Variants in PAX3 observed in about 807,000 individuals in gnomAD.
PAX3 encodes the protein paired box 3, also known as paired box protein Pax-3.
In PAX3, 14 loss-of-function variants were observed where a neutral mutation model predicts 51.6. That is an observed-to-expected ratio of 0.27 (90% CI 0.18 to 0.42). PAX3 has a LOEUF of 0.42. PAX3 is among the 10% of genes least tolerant of loss of function. The pLI is 1.00. For synonymous variants in PAX3, 280 were observed against 253.4 expected (o/e 1.11, Z -1.00); for missense variants, 540 against 642.8 (o/e 0.84, Z 1.73).
At chr2:222,295,068 C>G (rs1385309151) in intron 3 of PAX3, among the ~76,000 whole-genome samples, 1 of 151,930 alleles carries the variant, frequency 6.6e-6, no homozygotes, top group African/African-American at 2.4e-5. Flanking sequence ...CCCAGGCTGC[C>G]GTGGCGGGGG....
intron 1 of PAX3, among the ~76,000 whole-genome samples, chr2:222,297,888 G>T (rs778086938): frequency 1.3e-5 from 2 of 152,162 alleles, no homozygotes; most frequent in Non-Finnish European, 2.9e-5. Context: ...CTCTGCTGGG[G>T]CGCCCTAACC....
chr2:222,295,610 T>G lies in PAX3; in HGVS notation c.369A>C (p.Arg123Ser). The G allele has an allele frequency of 1.2e-6, 2 of 1,614,202 alleles. No homozygotes were observed. Among genetic ancestry groups the G allele is most frequent in the South Asian group, 2.2e-5 (2 of 91,088 alleles). ...DVEKKIEEYK[R>S]ENPGMFSWEI... The stretch of plus-strand genomic sequence containing the variant: ...CCCAGCTGAACATGCCCGGGTTCTC[T>G]CTTTTGTATTCCTCAATTTTCTTCT... The change falls in exon 3 of 9, where the codon AGA (arginine) becomes AGC (serine). Residue 123 changes from arginine (R) to serine (S), a missense_variant. By Grantham distance (110) the Arg-to-Ser change is moderately radical (BLOSUM62 -1). Transcript: ENST00000392070.
At chr2:222,262,696 TAA>T (rs1350362806) in intron 4 of PAX3, 1 of 151,910 alleles carries the variant, frequency 6.6e-6, no homozygotes, top group Non-Finnish European at 1.5e-5. Flanking sequence ...AAAAGAAGAA[TAA>T]AGTTAGAGGA....
intron 4 of PAX3, chr2:222,293,925 T>C (rs1014781560): frequency 1.4e-6 from 2 of 1,402,328 alleles, no homozygotes; most frequent in African/African-American, 3.2e-5. Flanking sequence ...TCCCAGGGGC[T>C]GAAAGTGGTT....
chr2:222,227,800 T>C (rs1481730190), intron 5 of PAX3, among the ~76,000 whole-genome samples: 1 of 152,066 alleles, frequency 6.6e-6, no homozygotes, highest in Non-Finnish European at 1.5e-5. Flanking sequence ...AGTTCTTACA[T>C]TGTGTACTCA....
chr2:222,214,527 T>C (rs547673305), intron 7 of PAX3: 3 of 152,116 alleles, frequency 2.0e-5, no homozygotes, highest in Admixed American at 2.0e-4. Context: ...CACAGTCTTA[T>C]TAGTGTAAAG....
At chr2:222,279,997 T>A (rs745899507) in intron 4 of PAX3, among the ~76,000 whole-genome samples, 7 of 152,054 alleles carry the variant, frequency 4.6e-5, no homozygotes, top group Admixed American at 2.6e-4. Context: ...GATCACCTGA[T>A]GTCAGGAGTT....
chr2:222,203,966 A>G (rs923203004), intron 7 of PAX3, among the ~76,000 whole-genome samples: 6 of 152,132 alleles, frequency 3.9e-5, no homozygotes, highest in African/African-American at 1.2e-4. Flanking sequence ...ATGCACACAC[A>G]TGGGAAGGTG....
chr2:222,297,243 G>A, intron 1 of PAX3, 30 bp from the exon 2 acceptor site: 1 of 1,485,168 alleles, frequency 6.7e-7, no homozygotes, highest in Non-Finnish European at 9.2e-7. Context: ...AGAAGCAAGG[G>A]AAAAGTCACT....
chr2:222,246,585 GTGGA>G lies in PAX3; in HGVS notation c.587-14306_587-14303del, dbSNP rs370233011. Among the ~76,000 whole-genome samples, 1,508 of 152,046 alleles carry G rather than the reference GTGGA, an allele frequency of 9.9e-3. 11 individuals carry two copies. Among genetic ancestry groups the G allele is most frequent in the Middle Eastern group, 0.014 (4 of 294 alleles). ...AGAATTATATTATACAGATGGATGG[GTGGA>G]TGGATGGATGGATGGATGGATCAAT... is the stretch of plus-strand genomic sequence containing the variant. On this transcript the variant is annotated intron_variant, in intron 4 of 8. Transcript: ENST00000392070.
chr2:222,222,698 T>C (rs1205127973), intron 5 of PAX3, among the ~76,000 whole-genome samples: 6 of 152,056 alleles, frequency 3.9e-5, no homozygotes, highest in African/African-American at 1.4e-4. Context: ...TGAAACTTAA[T>C]ATGGAGGAAA....
chr2:222,298,877 G>T lies in PAX3; in HGVS notation c.-262C>A. On this transcript the variant is annotated 5_prime_UTR_variant, in exon 1 of 9. Transcript: ENST00000392070. ...GGCGGAAAAGTTTGGTACGAGTCTG[G>T]GCAAATGTTCCAGCGACTGGGGTCC... The T allele has an allele frequency of 1.8e-6, 1 of 569,012 alleles. No individual in the cohort carries two copies. 35.2% of individuals were successfully genotyped at this position (569,012 alleles called of 1,614,324 possible). A position where few individuals can be genotyped will look rare whatever the true frequency, so the allele number is the denominator to read the frequency against.
intron 4 of PAX3, among the ~76,000 whole-genome samples, chr2:222,283,455 C>G (rs530961665): frequency 2.0e-5 from 3 of 152,294 alleles, no homozygotes; most frequent in South Asian, 4.2e-4. Flanking sequence ...CCATTTATAT[C>G]TTCTGAATTT....
chr2:222,229,649 A>G (rs1692512760), intron 5 of PAX3, among the ~76,000 whole-genome samples: 1 of 152,246 alleles, frequency 6.6e-6, no homozygotes, highest in East Asian at 1.9e-4. Flanking sequence ...CAAGACCTCC[A>G]TAGGATATCC....
chr2:222,211,387 T>C (rs1378679728), intron 7 of PAX3, among the ~76,000 whole-genome samples: 1 of 152,160 alleles, frequency 6.6e-6, no homozygotes, highest in East Asian at 1.9e-4. Context: ...GGTGCTGTCT[T>C]TAGATTAATG....
chr2:222,225,715 A>T (rs1451029983), intron 5 of PAX3, among the ~76,000 whole-genome samples: 1 of 152,196 alleles, frequency 6.6e-6, no homozygotes, highest in African/African-American at 2.4e-5. Context: ...GATTGTTGTG[A>T]CTATTAAAAA....
intron 4 of PAX3, among the ~76,000 whole-genome samples, chr2:222,238,279 G>T (rs190359014): frequency 6.6e-6 from 1 of 152,118 alleles, no homozygotes; most frequent in Non-Finnish European, 1.5e-5. Flanking sequence ...GTCTTTGTCC[G>T]TTAGCCCCTT....
At chr2:222,296,221 G>T (rs1448878586) in intron 2 of PAX3, among the ~76,000 whole-genome samples, 1 of 152,170 alleles carries the variant, frequency 6.6e-6, no homozygotes, top group Non-Finnish European at 1.5e-5. Flanking sequence ...GAAGAAGAAG[G>T]TTCCAAAGAT....
intron 4 of PAX3, among the ~76,000 whole-genome samples, chr2:222,279,304 C>CGTGTGTGTGT (rs57076966): frequency 0.041 from 6,111 of 148,072 alleles, 137 homozygotes; most frequent in East Asian, 0.077. Flanking sequence ...CAAGCCTGTG[C>CGTGTGTGTGT]GTGTGTGTGT....
Sources: allele counts gnomAD v4.1 joint callset (sites outside exome capture counted in the v4.1 genomes callset), GRCh38; gene constraint gnomAD v4.1.1; transcripts MANE v1.5; gene names NCBI Gene and HGNC (gene_info 2026-07-23, HGNC 2026-07-21).